The following MCM9 variants were observed in gnomAD, a reference collection of about 807,000 sequenced individuals.
MCM9 encodes the protein DNA helicase MCM9.
Under a neutral mutation model 72.8 loss-of-function variants are expected in MCM9, and 55 were observed. The ratio of observed to expected loss-of-function variants is 0.76; its 90% CI spans 0.61 to 0.95. MCM9 has a LOEUF of 0.95. MCM9 is among the 40% of genes least tolerant of loss of function. The pLI, the probability that MCM9 is intolerant of heterozygous loss-of-function variation, is 0.00. For missense variants in MCM9, 1,279 were observed against 1,377.0 expected (o/e 0.93, Z 1.13); for synonymous variants, 480 against 503.4 (o/e 0.95, Z 0.62).
intron 9 of MCM9, among the ~76,000 whole-genome samples, chr6:118,833,338 A>C (rs1296260516): frequency 1.3e-5 from 2 of 152,206 alleles, no homozygotes; most frequent in African/African-American, 4.8e-5. Flanking sequence ...TCTAGACCCC[A>C]GACAGTAAGA....
rs1157217742 is a variant in MCM9, at chr6:118,815,648, A to G, written c.2608T>C (p.Cys870Arg). 4 of 1,550,238 alleles carry G rather than the reference A, an allele frequency of 2.6e-6. No individual in the cohort carries two copies. Among genetic ancestry groups the G allele is most frequent in the South Asian group, 1.2e-5 (1 of 84,036 alleles). ...CRNSTRVPAQCTVPSHPQSTP... is the reference protein window; with the variant it reads ...CRNSTRVPAQRTVPSHPQSTP... Reference sequence around the variant, plus strand: ...GACTGAGGATGGGAAGGGACTGTGCACTGTGCAGGCACCCTGGTGCTATTT... The same window carrying G: ...GACTGAGGATGGGAAGGGACTGTGCGCTGTGCAGGCACCCTGGTGCTATTT... The change falls in exon 14 of 14, where the codon TGC becomes CGC. Residue 870 changes from cysteine (C) to arginine (R), a missense_variant. By Grantham distance (180) the Cys-to-Arg change is radical. Coordinates refer to ENST00000619706, the MANE Select transcript of MCM9 (RefSeq NM_017696.3).
chr6:118,894,070 C>T, intron 8 of MCM9: 4 of 1,083,612 alleles, frequency 3.7e-6, no homozygotes, highest in Non-Finnish European at 3.4e-6. Context: ...CAGGTGGAGC[C>T]GCAGTTAAAG....
chr6:118,894,201 G>T, intron 8 of MCM9: 1 of 1,382,442 alleles, frequency 7.2e-7, no homozygotes, highest in African/African-American at 1.5e-5. Flanking sequence ...TATCAGAGCA[G>T]AATGGGCTGT....
chr6:118,880,052 A>G (rs1778189888), intron 8 of MCM9, among the ~76,000 whole-genome samples: 1 of 135,392 alleles, frequency 7.4e-6, no homozygotes, highest in Non-Finnish European at 1.6e-5. Flanking sequence ...AAACAACAAC[A>G]AAAAAAAAAC....
In MCM9 at chr6:118,816,077, T is replaced by C. The variant is rs753695856; in HGVS notation, c.2179A>G (p.Ser727Gly). The change falls in exon 14 of 14, where the codon AGT becomes GGT. Residue 727 changes from serine to glycine, a missense_variant. Physicochemically the swap from Ser to Gly is moderately conservative, Grantham distance 56. Transcript: ENST00000619706. ...TTGTGCTGAGCTGAATGTTTCCTAC[T>C]TGTTGATCTATTAGGCTCCAGATGC... ...PPHLEPNRST[S>G]RKHSAQHKNN... The C allele has an allele frequency of 1.3e-6, 2 of 1,550,198 alleles. No homozygotes were observed. Among genetic ancestry groups the C allele is most frequent in the South Asian group, 2.4e-5 (2 of 84,032 alleles).
In MCM9 at chr6:118,846,722, C is replaced by T. The variant is rs553271487; in HGVS notation, c.1325+9649G>A. The stretch of plus-strand genomic sequence containing the variant: ...ACCACAAAACAGACAAATCAACCAT[C>T]CCCTTATGGAAAACACTATTAAGTA... On this transcript the variant is annotated intron_variant, in intron 9 of 13. Transcript: ENST00000619706. Among the ~76,000 whole-genome samples, 19 of 151,836 alleles carry T rather than the reference C, an allele frequency of 1.3e-4. 1 individual carries two copies. The highest frequency in any genetic ancestry group is 4.6e-4 in the African/African-American group (19 of 41,174).
chr6:118,880,169 A>C (rs1322797015), intron 8 of MCM9, among the ~76,000 whole-genome samples: 1 of 151,616 alleles, frequency 6.6e-6, no homozygotes, highest in African/African-American at 2.4e-5. Context: ...GTTTAGCCTA[A>C]TTAAAAAAAA....
At chr6:118,897,835 A>C (rs1010369102) in intron 8 of MCM9, among the ~76,000 whole-genome samples, 12 of 151,932 alleles carry the variant, frequency 7.9e-5, no homozygotes, top group Non-Finnish European at 1.0e-4. Flanking sequence ...TTAAAAAAAA[A>C]AACAACAAAA....
chr6:118,926,167 C>T (rs895834380), intron 3 of MCM9, among the ~76,000 whole-genome samples: 5 of 152,192 alleles, frequency 3.3e-5, no homozygotes, highest in African/African-American at 1.2e-4. Flanking sequence ...GGAAATTTCA[C>T]ACGTAGATGC....
At chr6:118,915,906 A>G (rs899428981) in intron 6 of MCM9, among the ~76,000 whole-genome samples, 1 of 152,242 alleles carries the variant, frequency 6.6e-6, no homozygotes, top group African/African-American at 2.4e-5. Flanking sequence ...TTTAATTGCC[A>G]GCACAAAGCA....
chr6:118,929,742 G>A (rs1782225383), intron 3 of MCM9, among the ~76,000 whole-genome samples: 1 of 152,184 alleles, frequency 6.6e-6, no homozygotes, highest in Non-Finnish European at 1.5e-5. Flanking sequence ...GGAGGCCAGA[G>A]GAGGAGGATC....
chr6:118,908,895 G>A (rs1401756636), intron 8 of MCM9: 1 of 152,566 alleles, frequency 6.6e-6, no homozygotes, highest in African/African-American at 2.4e-5. Flanking sequence ...GTTGAGGAAA[G>A]GAAAAGGGCA....
intron 7 of MCM9, 170 bp downstream of exon 7, chr6:118,913,125 C>T: frequency 1.5e-6 from 1 of 689,028 alleles, no homozygotes; most frequent in Non-Finnish European, 2.3e-6. Context: ...TAGAAAGTAG[C>T]TTCTGATATA....
chr6:118,900,788 T>C (rs763132967), intron 8 of MCM9: 8 of 1,613,382 alleles, frequency 5.0e-6, no homozygotes, highest in Admixed American at 1.7e-5. Context: ...AAATTATCTA[T>C]GTGGGCTCTG....
intron 8 of MCM9, among the ~76,000 whole-genome samples, chr6:118,879,751 T>C (rs1190763437): frequency 2.6e-5 from 4 of 150,962 alleles, no homozygotes; most frequent in Non-Finnish European, 4.4e-5. Flanking sequence ...AAAAAACTAA[T>C]AGAAAGACTA....
chr6:118,905,598 G>GC (rs1314075131), intron 8 of MCM9: 2 of 1,431,976 alleles, frequency 1.4e-6, no homozygotes, highest in East Asian at 2.4e-5. Flanking sequence ...AGTCTTGCCT[G>GC]CCACTAACAG....
At chr6:118,892,760 C>A (rs2114463334) in intron 8 of MCM9, among the ~76,000 whole-genome samples, 2 of 152,174 alleles carry the variant, frequency 1.3e-5, no homozygotes, top group South Asian at 2.1e-4. Flanking sequence ...TTTGGTAGGT[C>A]CTATATCTAA....
rs79670608 is a variant in MCM9, at chr6:118,815,984, T to C, written c.2272A>G (p.Thr758Ala). 56,357 of 1,550,520 alleles carry C rather than the reference T, an allele frequency of 0.036. 1,177 individuals are homozygous for C. Among genetic ancestry groups the C allele is most frequent in the Middle Eastern group, 0.043 (260 of 5,988 alleles). ...TTGGGATGAGGAGACACAACAACAG[T>C]GTTTTTAGGTTCACTCTGATGAGTT... ...MATHQSEPKN[T>A]VVVSPHPKTS... is the part of the protein sequence containing the mutation. The change falls in exon 14 of 14, where the codon ACT becomes GCT. Residue 758 changes from threonine (T) to alanine (A), a missense_variant. Physicochemically the swap from Thr to Ala is moderately conservative, Grantham distance 58 (BLOSUM62 0). Transcript: ENST00000619706.
In MCM9 at chr6:118,814,230, T is replaced by G. The variant is rs551287871; in HGVS notation, c.*594A>C. The G allele has an allele frequency of 6.6e-6, 1 of 152,260 alleles. No individual in the cohort carries two copies. The highest frequency in any genetic ancestry group is 2.4e-5 in the African/African-American group (1 of 41,548). 9.4% of individuals were successfully genotyped at this position (152,260 alleles called of 1,614,324 possible). A position where few individuals can be genotyped will look rare whatever the true frequency, so the allele number is the denominator to read the frequency against. On this transcript the variant is annotated 3_prime_UTR_variant, in exon 14 of 14. Transcript: ENST00000619706. Reference sequence around the variant, plus strand: ...AGTGGCCAGATCTCTAAGAACATCATGGAATTGTAAGGATACCTCTCAAAG... The same window carrying G: ...AGTGGCCAGATCTCTAAGAACATCAGGGAATTGTAAGGATACCTCTCAAAG...
Sources: allele counts gnomAD v4.1 joint callset (sites outside exome capture counted in the v4.1 genomes callset), GRCh38; gene constraint gnomAD v4.1.1; transcripts MANE v1.5; gene names NCBI Gene and HGNC (gene_info 2026-07-23, HGNC 2026-07-21).